The following PTPRM variants were observed in gnomAD, a reference collection of about 807,000 sequenced individuals.
The protein encoded by PTPRM is receptor-type tyrosine-protein phosphatase mu.
Under a neutral mutation model 186.7 loss-of-function variants are expected in PTPRM, and 47 were observed. The observed-to-expected ratio is 0.25, with a 90% confidence interval of 0.20 to 0.32. The LOEUF (loss-of-function observed/expected upper bound fraction) is 0.32, where lower values mean the gene tolerates loss of function less well. Among genes scored for constraint, PTPRM ranks in the 10% least tolerant of loss-of-function variants. The pLI, the probability that PTPRM is intolerant of heterozygous loss-of-function variation, is 1.00. For missense variants in PTPRM, 1,494 were observed against 1,865.0 expected (o/e 0.80, Z 3.66); for synonymous variants, 668 against 674.9 (o/e 0.99, Z 0.16).
intron 31 of PTPRM, among the ~76,000 whole-genome samples, chr18:8,393,171 C>A (rs766321791): frequency 9.2e-5 from 14 of 152,198 alleles, no homozygotes; most frequent in Non-Finnish European, 1.6e-4. Context: ...ACCATCTTAA[C>A]AAGTGAGCAA....
intron 7 of PTPRM, among the ~76,000 whole-genome samples, chr18:7,966,393 G>C (rs142785553): frequency 1.1e-3 from 175 of 152,196 alleles, no homozygotes; most frequent in African/African-American, 3.9e-3. Flanking sequence ...TATCCATCTG[G>C]ACAAGTGACT....
At chr18:7,598,095 C>T (rs2037311655) in intron 1 of PTPRM, among the ~76,000 whole-genome samples, 1 of 152,070 alleles carries the variant, frequency 6.6e-6, no homozygotes, top group African/African-American at 2.4e-5. Flanking sequence ...GTGAATGAAA[C>T]CAAGGCCAAT....
At chr18:8,077,135 A>T (rs565567699) in intron 9 of PTPRM, among the ~76,000 whole-genome samples, 1 of 152,328 alleles carries the variant, frequency 6.6e-6, no homozygotes, top group Non-Finnish European at 1.5e-5. Flanking sequence ...GGAAAAAAGT[A>T]ACAGCAATAA....
intron 14 of PTPRM, among the ~76,000 whole-genome samples, chr18:8,207,250 A>G (rs1225017592): frequency 6.6e-6 from 1 of 152,200 alleles, no homozygotes; most frequent in Non-Finnish European, 1.5e-5. Context: ...TCACCGGATG[A>G]TATTTCACCA....
At chr18:8,274,086 A>G (rs1026750475) in intron 19 of PTPRM, among the ~76,000 whole-genome samples, 2 of 152,130 alleles carry the variant, frequency 1.3e-5, no homozygotes, top group African/African-American at 4.8e-5. Flanking sequence ...TAAGCTCACC[A>G]GTGTTGCTCA....
At chr18:7,786,029 GAAA>G (rs1403206788) in intron 2 of PTPRM, among the ~76,000 whole-genome samples, 1 of 152,078 alleles carries the variant, frequency 6.6e-6, no homozygotes, top group Non-Finnish European at 1.5e-5. Flanking sequence ...ACTGAATACA[GAAA>G]AAATCATACA....
At chr18:8,126,805 G>A (rs1214759978) in intron 13 of PTPRM, among the ~76,000 whole-genome samples, 3 of 152,128 alleles carry the variant, frequency 2.0e-5, no homozygotes, top group African/African-American at 7.2e-5. Context: ...AGCTTAGTTA[G>A]TAGCAGTAAC....
intron 14 of PTPRM, among the ~76,000 whole-genome samples, chr18:8,228,363 C>A (rs997952467): frequency 1.3e-5 from 2 of 151,996 alleles, no homozygotes; most frequent in Non-Finnish European, 2.9e-5. Flanking sequence ...GGAAGGTGCC[C>A]CAGCCAGATA....
chr18:8,247,776 T>C (rs2094491404), intron 15 of PTPRM, 69 bp from the exon 16 acceptor site: 1 of 1,179,270 alleles, frequency 8.5e-7, no homozygotes, highest in Non-Finnish European at 1.3e-6. Context: ...ATGGGTGGTC[T>C]CAGAGCATTG....
chr18:8,319,251 C>T (rs1186163836), intron 22 of PTPRM, 37 bp downstream of exon 22: 3 of 1,439,810 alleles, frequency 2.1e-6, no homozygotes, highest in Non-Finnish European at 2.9e-6. Context: ...TTCTTTGTTT[C>T]TTTTGCCCAC....
At chr18:8,231,356 C>G (rs543357270) in intron 14 of PTPRM, among the ~76,000 whole-genome samples, 13 of 152,128 alleles carry the variant, frequency 8.5e-5, no homozygotes, top group Non-Finnish European at 1.6e-4. Flanking sequence ...CTCCCAATTG[C>G]CACTCAGTCC....
chr18:7,607,501 G>C (rs543855099), intron 1 of PTPRM, among the ~76,000 whole-genome samples: 3 of 152,168 alleles, frequency 2.0e-5, no homozygotes, highest in Non-Finnish European at 4.4e-5. Flanking sequence ...TCTGGGTTCA[G>C]ATCTTGACAC....
At chr18:7,983,478 C>A (rs768978391) in intron 7 of PTPRM, among the ~76,000 whole-genome samples, 1 of 152,090 alleles carries the variant, frequency 6.6e-6, no homozygotes, top group African/African-American at 2.4e-5. Context: ...TTGCCCTGCC[C>A]CTGTCCTGCC....
intron 1 of PTPRM, among the ~76,000 whole-genome samples, chr18:7,727,065 A>G (rs2040563844): frequency 6.6e-6 from 1 of 152,064 alleles, no homozygotes; most frequent in African/African-American, 2.4e-5. Context: ...TTTTTAATGA[A>G]GTTCTTCCTG....
chr18:8,150,015 T>G (rs941577722), intron 14 of PTPRM, among the ~76,000 whole-genome samples: 6 of 152,236 alleles, frequency 3.9e-5, no homozygotes, highest in African/African-American at 1.2e-4. Context: ...CAGAGATATT[T>G]ACTGTTAGTC....
At chr18:7,570,529 A>G (rs1423440616) in intron 1 of PTPRM, among the ~76,000 whole-genome samples, 3 of 152,226 alleles carry the variant, frequency 2.0e-5, no homozygotes, top group Non-Finnish European at 4.4e-5. Flanking sequence ...AATCTTGATC[A>G]TTTGCACATA....
chr18:8,217,987 T>C (rs7238328), intron 14 of PTPRM, among the ~76,000 whole-genome samples: 84,011 of 151,890 alleles, frequency 0.55, 23,852 homozygotes, highest in East Asian at 0.77. Flanking sequence ...GAAATTGGTG[T>C]GCTGTTACCC....
intron 23 of PTPRM, among the ~76,000 whole-genome samples, chr18:8,359,697 A>T (rs764722692): frequency 9.9e-5 from 15 of 152,254 alleles, no homozygotes; most frequent in Non-Finnish European, 1.8e-4. Context: ...GATGCATCAC[A>T]GCCTGAGCGG....
At chr18:7,873,943 A>G (rs909714123) in intron 2 of PTPRM, among the ~76,000 whole-genome samples, 1 of 152,172 alleles carries the variant, frequency 6.6e-6, no homozygotes, top group African/African-American at 2.4e-5. Context: ...GACCATTCAC[A>G]TGGCTCTTTA....
Sources: gnomAD v4.1 joint callset for allele counts (sites outside exome capture counted in the v4.1 genomes callset) on GRCh38, gnomAD v4.1.1 for gene constraint, MANE v1.5 for transcripts, NCBI Gene and HGNC (gene_info 2026-07-23, HGNC 2026-07-21) for gene names.